Variants in ALK observed in about 807,000 individuals in gnomAD.
ALK encodes ALK tyrosine kinase receptor.
ALK carries 74 observed loss-of-function variants against 163.1 expected under a neutral mutation model. The ratio of observed to expected loss-of-function variants is 0.45; its 90% CI spans 0.38 to 0.55. ALK has a LOEUF of 0.55. ALK is among the 20% of genes least tolerant of loss of function. The pLI is 0.00. For synonymous variants in ALK, 960 were observed against 843.2 expected (o/e 1.14, Z -2.40); for missense variants, 2,063 against 2,105.3 (o/e 0.98, Z 0.39).
At chr2:29,668,897 CA>C in intron 3 of ALK, among the ~76,000 whole-genome samples, 1 of 152,146 alleles carries the variant, frequency 6.6e-6, no homozygotes, top group African/African-American at 2.4e-5. Flanking sequence ...AGAGTGTGTA[CA>C]GGGGAACTCC....
chr2:29,266,641 T>C (rs1665229510), intron 11 of ALK, among the ~76,000 whole-genome samples: 1 of 152,188 alleles, frequency 6.6e-6, no homozygotes, highest in Admixed American at 6.5e-5. Context: ...CCCTACTTGA[T>C]GGATGAGGAA....
chr2:29,801,258 C>G (rs373885753), intron 1 of ALK, among the ~76,000 whole-genome samples: 6 of 152,092 alleles, frequency 3.9e-5, no homozygotes, highest in African/African-American at 1.2e-4. Flanking sequence ...AACCCATTTG[C>G]TTTCCCAATT....
intron 2 of ALK, among the ~76,000 whole-genome samples, chr2:29,703,674 A>G (rs753970241): frequency 4.6e-5 from 7 of 152,192 alleles, no homozygotes; most frequent in Non-Finnish European, 8.8e-5. Flanking sequence ...AATCTGAAGG[A>G]GGTGATGGCA....
intron 3 of ALK, among the ~76,000 whole-genome samples, chr2:29,568,776 T>A (rs886680482): frequency 2.0e-5 from 3 of 152,176 alleles, no homozygotes; most frequent in Admixed American, 2.0e-4. Flanking sequence ...TGGGGTCCTG[T>A]TTTGTCATCT....
At chr2:29,404,093 TAA>T (rs1410403594) in intron 4 of ALK, among the ~76,000 whole-genome samples, 1 of 151,888 alleles carries the variant, frequency 6.6e-6, no homozygotes, top group Admixed American at 6.6e-5. Flanking sequence ...CGTCTGAGGT[TAA>T]GAGTTTGAGA....
In ALK at chr2:29,531,910, C is replaced by A; in HGVS notation, c.1154+5G>T. On this transcript the variant is annotated splice_donor_5th_base_variant and intron_variant, in intron 4 of 28. Coordinates refer to ENST00000389048, the MANE Select transcript of ALK (RefSeq NM_004304.5). ...AATCAATTTTGGACATGGAGAAGTA[C>A]TTACCCATGCTTCCCTGGAGTGGGC... 1 of 1,614,098 alleles carries A rather than the reference C, an allele frequency of 6.2e-7. No individual in the cohort carries two copies. The highest frequency in any genetic ancestry group is 8.5e-7 in the Non-Finnish European group (1 of 1,180,010).
chr2:29,852,626 C>T (rs1417340510), intron 1 of ALK, among the ~76,000 whole-genome samples: 4 of 152,198 alleles, frequency 2.6e-5, no homozygotes, highest in African/African-American at 9.7e-5. Flanking sequence ...GTTACAACTA[C>T]TCCTGATGGT....
chr2:29,733,763 C>G (rs891108915), intron 1 of ALK, among the ~76,000 whole-genome samples: 21 of 152,122 alleles, frequency 1.4e-4, no homozygotes, highest in Non-Finnish European at 2.9e-5. Context: ...GGGAAACATA[C>G]ACTTTGTAGA....
chr2:29,917,884 C>T (rs1355851680), intron 1 of ALK, among the ~76,000 whole-genome samples: 1 of 152,192 alleles, frequency 6.6e-6, no homozygotes, highest in East Asian at 1.9e-4. Context: ...AATCCTGGCT[C>T]CTACTGAAAT....
At chr2:29,443,162 C>A (rs1283423617) in intron 4 of ALK, among the ~76,000 whole-genome samples, 1 of 152,206 alleles carries the variant, frequency 6.6e-6, no homozygotes, top group Non-Finnish European at 1.5e-5. Flanking sequence ...CCTTGTTTGC[C>A]TCTGTAGTGT....
chr2:29,319,857 C>T (rs1353610198), intron 7 of ALK, among the ~76,000 whole-genome samples: 1 of 152,244 alleles, frequency 6.6e-6, no homozygotes, highest in Non-Finnish European at 1.5e-5. Context: ...ACTGAGCCAA[C>T]TCACTGTTCA....
At chr2:29,625,007 G>C (rs1031660179) in intron 3 of ALK, among the ~76,000 whole-genome samples, 1 of 152,192 alleles carries the variant, frequency 6.6e-6, no homozygotes, top group African/African-American at 2.4e-5. Context: ...TATGCATGTG[G>C]TTCACATTTG....
chr2:29,215,933 C>G (rs1235173745), intron 23 of ALK, among the ~76,000 whole-genome samples: 1 of 152,180 alleles, frequency 6.6e-6, no homozygotes, highest in Admixed American at 6.5e-5. Flanking sequence ...CCCACGCCAG[C>G]AGCCTCGGGC....
chr2:29,688,379 T>C (rs1370213461), intron 3 of ALK, among the ~76,000 whole-genome samples: 3 of 152,236 alleles, frequency 2.0e-5, no homozygotes, highest in Non-Finnish European at 4.4e-5. Flanking sequence ...TGTGGCTATA[T>C]TTATTTTATC....
rs1049747209 is a variant in ALK at position 29,920,309 on chromosome 2, C to G, written c.351G>C (p.Pro117=). ...GVSWTAGSPA[P]AEARTLSRVL... is the part of the protein sequence containing the mutation. ...CCCTGGACAGCGTCCGGGCCTCTGC[C>G]GGGGCTGGTGAACCGGCGGTCCAGG... Residue 117 remains proline (P), a synonymous_variant, in exon 1 of 29, where the codon CCG becomes CCC. Coordinates refer to ENST00000389048, the MANE Select transcript of ALK (RefSeq NM_004304.5). 6.4e-7 allele frequency: 1 copy of G among 1,559,680 alleles called. No individual in the cohort carries two copies. Among genetic ancestry groups the G allele is most frequent in the South Asian group, 1.2e-5 (1 of 85,646 alleles).
chr2:29,728,075 G>A (rs1423221701), intron 1 of ALK, among the ~76,000 whole-genome samples: 1 of 152,122 alleles, frequency 6.6e-6, no homozygotes, highest in African/African-American at 2.4e-5. Context: ...AGGGAGACAT[G>A]TTTTTGTTCT....
At chr2:29,915,205 C>T (rs1377763114) in intron 1 of ALK, among the ~76,000 whole-genome samples, 1 of 152,178 alleles carries the variant, frequency 6.6e-6, no homozygotes, top group African/African-American at 2.4e-5. Flanking sequence ...CTTCTCCCAC[C>T]TTCAGGCCAG....
chr2:29,505,525 AG>A (rs1359362722), intron 4 of ALK, among the ~76,000 whole-genome samples: 1 of 152,058 alleles, frequency 6.6e-6, no homozygotes, highest in Non-Finnish European at 1.5e-5. Flanking sequence ...TGGGGAGCTT[AG>A]GGGGAGTTCT....
intron 1 of ALK, among the ~76,000 whole-genome samples, chr2:29,854,445 A>T (rs1666087463): frequency 6.6e-6 from 1 of 152,064 alleles, no homozygotes; most frequent in East Asian, 1.9e-4. Flanking sequence ...CTTTTACCAC[A>T]TGATATGCTG....
Sources: allele counts gnomAD v4.1 joint callset (sites outside exome capture counted in the v4.1 genomes callset), GRCh38; gene constraint gnomAD v4.1.1; transcripts MANE v1.5; gene names NCBI Gene and HGNC (gene_info 2026-07-23, HGNC 2026-07-21).